The following CD36 variants were observed in gnomAD, a reference collection of about 807,000 sequenced individuals.
CD36 encodes platelet glycoprotein 4.
A neutral mutation model predicts 55.2 loss-of-function variants in CD36; 119 were observed. The observed-to-expected ratio is 2.15, with a 90% confidence interval of 1.86 to 2.51. The LOEUF is 2.51. Ranked by LOEUF, CD36 falls within the 30% of genes most tolerant of loss-of-function variation. CD36 has a pLI of 0.00. For missense variants in CD36, 819 were observed against 555.5 expected, an observed-to-expected ratio of 1.47 and a Z score of -4.77; for synonymous variants, 186 against 193.6, an observed-to-expected ratio of 0.96 and a Z score of 0.33.
At chr7:80,648,885 A>G (rs996886553) in intron 3 of CD36, among the ~76,000 whole-genome samples, 4 of 152,124 alleles carry the variant, frequency 2.6e-5, no homozygotes, top group Non-Finnish European at 5.9e-5. Context: ...AAATGCTACC[A>G]AATGCAGTGA....
intron 1 of CD36, among the ~76,000 whole-genome samples, chr7:80,618,031 G>T (rs1276230920): frequency 1.3e-5 from 2 of 152,096 alleles, no homozygotes; most frequent in Non-Finnish European, 2.9e-5. Context: ...ATTGTTAGGA[G>T]AAATTTTATA....
chr7:80,670,678 C>T, intron 9 of CD36: 1 of 379,462 alleles, frequency 2.6e-6, no homozygotes, highest in African/African-American at 2.0e-5. Context: ...TTCATTTAAA[C>T]TGATCACAAA....
intron 14 of CD36, among the ~76,000 whole-genome samples, chr7:80,674,814 A>AC (rs1798091665): frequency 6.6e-6 from 1 of 151,990 alleles, no homozygotes; most frequent in African/African-American, 2.4e-5. Flanking sequence ...TCTTCAGCCC[A>AC]CCTCAAGGCA....
chr7:80,664,466 G>A lies in CD36; in HGVS notation c.670G>A (p.Val224Ile), dbSNP rs758752334. 2 of 1,581,978 alleles carry A rather than the reference G, an allele frequency of 1.3e-6. No individual in the cohort carries two copies. Among genetic ancestry groups the A allele is most frequent in the Non-Finnish European group, 1.7e-6 (2 of 1,151,112 alleles). ...VFNGKDNISKVAIIDTYKGKR... is the reference protein window; with the variant it reads ...VFNGKDNISKIAIIDTYKGKR... ...CAATGGAAAAGATAACATAAGTAAA[G>A]TTGCCATAATCGACACATATAAAGG... is the stretch of plus-strand genomic sequence containing the variant. The change falls in exon 7 of 15, where the codon GTT becomes ATT. Residue 224 changes from valine to isoleucine, a missense_variant. Val to Ile is a conservative substitution (Grantham distance 29, BLOSUM62 3). Coordinates refer to ENST00000447544, the MANE Select transcript of CD36 (RefSeq NM_001001548.3).
At chr7:80,631,776 C>T (rs762220706) in intron 1 of CD36, among the ~76,000 whole-genome samples, 77 of 151,146 alleles carry the variant, frequency 5.1e-4, no homozygotes, top group Non-Finnish European at 9.9e-4. Context: ...TAATTCATAA[C>T]ATTTCCAGAA....
In CD36 at chr7:80,677,723, AGTT is replaced by A. The variant is rs1007152104; in HGVS notation, c.*1341_*1343del. ...GACATGTCCATCTAATATAAAGGAA[AGTT>A]TTTTAATCATTGAGGCATGTAGGGC... On this transcript the variant is annotated 3_prime_UTR_variant, in exon 15 of 15. Transcript: ENST00000447544. 24 of 151,982 alleles carry A rather than the reference AGTT, an allele frequency of 1.6e-4. No homozygotes were observed. The highest frequency in any genetic ancestry group is 5.8e-4 in the African/African-American group (24 of 41,284). 9.4% of individuals were successfully genotyped at this position (151,982 alleles called of 1,614,324 possible).
intron 3 of CD36, among the ~76,000 whole-genome samples, chr7:80,649,288 T>C (rs992870404): frequency 6.6e-6 from 1 of 151,978 alleles, no homozygotes; most frequent in African/African-American, 2.4e-5. Context: ...AGGAAGAGCC[T>C]AGATGAAAAA....
intron 3 of CD36, 143 bp from the exon 4 acceptor site, chr7:80,656,397 A>G (rs1334227071): frequency 4.5e-6 from 3 of 669,830 alleles, no homozygotes; most frequent in Non-Finnish European, 8.0e-6. Flanking sequence ...CTGCAAGTGT[A>G]TGGTAAGGTT....
At chr7:80,614,300 G>A (rs144725843) in intron 1 of CD36, among the ~76,000 whole-genome samples, 2 of 152,154 alleles carry the variant, frequency 1.3e-5, no homozygotes, top group African/African-American at 4.8e-5. Context: ...CTTTCTTGGA[G>A]AGCCTCCTTG....
intron 4 of CD36, among the ~76,000 whole-genome samples, chr7:80,657,288 AG>A (rs3211865): frequency 0.026 from 4,026 of 152,272 alleles, 169 homozygotes; most frequent in African/African-American, 0.092. Context: ...CACAATTTTG[AG>A]AACCACCGTG....
At position 80,667,747 on chromosome 7, in the gene CD36, G is replaced by GTTT. The variant is rs1165767460; in HGVS notation, c.748+1277_748+1279dup. ...GTTGGATTTGCAGGGGTTTTCTTTT[G>GTTT]TTTTTTTTTTTTTTTTTTTTTGAGA... is the stretch of plus-strand genomic sequence containing the variant. On this transcript the variant is annotated intron_variant, in intron 8 of 14. Transcript: ENST00000447544. 9.1e-4 allele frequency among the ~76,000 whole-genome samples: 75 copies of GTTT among 82,630 alleles called. 1 individual carries two copies. The highest frequency in any genetic ancestry group is 1.9e-3 in the South Asian group (4 of 2,080). The allele number at this position is 82,630 out of a possible 152,430, so 54.2% of individuals were successfully genotyped here.
At chr7:80,649,854 G>A (rs1258695360) in intron 3 of CD36, among the ~76,000 whole-genome samples, 2 of 151,888 alleles carry the variant, frequency 1.3e-5, no homozygotes, top group African/African-American at 4.8e-5. Context: ...GATCTTATAT[G>A]AAGAAACAAA....
intron 3 of CD36, among the ~76,000 whole-genome samples, chr7:80,652,803 A>C (rs899013376): frequency 6.6e-6 from 1 of 152,280 alleles, no homozygotes; most frequent in African/African-American, 2.4e-5. Flanking sequence ...TCTTCCTCTA[A>C]AGGATGGATA....
chr7:80,615,817 C>T (rs1793118833), intron 1 of CD36, among the ~76,000 whole-genome samples: 1 of 152,126 alleles, frequency 6.6e-6, no homozygotes, highest in Non-Finnish European at 1.5e-5. Flanking sequence ...AATAGTCTTA[C>T]CAAAACAAAT....
chr7:80,637,569 G>GTT (rs143537355), upstream of CD36, among the ~76,000 whole-genome samples: 8 of 148,330 alleles, frequency 5.4e-5, no homozygotes, highest in South Asian at 6.4e-4. Flanking sequence ...AGTGTTTGGG[G>GTT]TTTTTTTTTT....
At chr7:80,666,603 A>G in intron 8 of CD36, 114 bp downstream of exon 8, 1 of 790,226 alleles carries the variant, frequency 1.3e-6, no homozygotes, top group African/African-American at 1.7e-5. Flanking sequence ...TTGCCTTTAT[A>G]TCCCCACAAC....
chr7:80,641,247 A>G (rs1794790621), intron 1 of CD36, among the ~76,000 whole-genome samples: 1 of 152,142 alleles, frequency 6.6e-6, no homozygotes, highest in Non-Finnish European at 1.5e-5. Flanking sequence ...GATGAAACAT[A>G]ATCATAGTTA....
At chr7:80,638,825 C>T (rs944319725) in intron 1 of CD36, 79 bp downstream of exon 1, 1 of 151,384 alleles carries the variant, frequency 6.6e-6, no homozygotes, top group Non-Finnish European at 1.5e-5. Context: ...GGTGACACTA[C>T]TGTATAAATA....
At chr7:80,661,039 T>C in intron 4 of CD36, 24 bp from the exon 5 acceptor site, 1 of 1,576,148 alleles carries the variant, frequency 6.3e-7, no homozygotes, top group Non-Finnish European at 8.7e-7. Flanking sequence ...ATGTTTTGAA[T>C]TTTGTTTACT....
Sources: gnomAD v4.1 joint callset for allele counts (sites outside exome capture counted in the v4.1 genomes callset) on GRCh38, gnomAD v4.1.1 for gene constraint, MANE v1.5 for transcripts, NCBI Gene and HGNC (gene_info 2026-07-23, HGNC 2026-07-21) for gene names.